Variants in COL8A2 observed in about 807,000 individuals in gnomAD.
COL8A2 encodes the protein collagen type VIII alpha 2 chain.
A neutral mutation model predicts 24.0 loss-of-function variants in COL8A2; 16 were observed. The observed-to-expected ratio is 0.67, with a 90% CI of 0.45 to 1.01. The LOEUF (loss-of-function observed/expected upper bound fraction) is 1.01, where lower values mean the gene tolerates loss of function less well. Among genes scored for constraint, COL8A2 ranks in the 50% least tolerant of loss-of-function variants. The probability of loss-of-function intolerance (pLI) is 0.00; values close to 1 mark genes in which losing one functional copy is unlikely to be tolerated. For missense variants in COL8A2, 818 were observed against 942.4 expected (o/e 0.87, Z 1.73); for synonymous variants, 466 against 424.5 (o/e 1.10, Z -1.20).
chr1:36,098,548 T>C lies in COL8A2; in HGVS notation c.1133A>G (p.Lys378Arg). Residue 378 changes from lysine (K) to arginine (R), a missense_variant, in exon 4 of 4, where the codon AAG becomes AGG. Physicochemically the swap from Lys to Arg is conservative, Grantham distance 26. Around this residue, in one of 3 missense-constraint regions of COL8A2, gnomAD observed 573 missense variants for 616.8 expected, o/e 0.93. Transcript: ENST00000397799. ...LPGRRGPPGP[K>R]GEAGPGGPPG... is the part of the protein sequence containing the mutation. Reference sequence around the variant, plus strand: ...GGGTCCTCCAGGCCCTGCCTCACCCTTAGGCCCAGGGGGCCCACGTCTGCC... The same window carrying C: ...GGGTCCTCCAGGCCCTGCCTCACCCCTAGGCCCAGGGGGCCCACGTCTGCC... 3.1e-6 allele frequency: 5 copies of C among 1,601,344 alleles called. No individual in the cohort carries two copies. The highest frequency in any genetic ancestry group is 4.3e-6 in the Non-Finnish European group (5 of 1,175,120).
chr1:36,107,910 T>C (rs1370586076), intron 2 of COL8A2, among the ~76,000 whole-genome samples: 1 of 152,176 alleles, frequency 6.6e-6, no homozygotes, highest in African/African-American at 2.4e-5. Flanking sequence ...GACGCCTCCC[T>C]TGAGGCCTGC....
intron 1 of COL8A2, among the ~76,000 whole-genome samples, chr1:36,118,801 A>G (rs1237842884): frequency 6.6e-6 from 1 of 152,020 alleles, no homozygotes; most frequent in Non-Finnish European, 1.5e-5. Context: ...GAGGTGAACA[A>G]TTGGCTCCTG....
Position 36,098,423 on chromosome 1 carries a change from G to A in COL8A2, c.1258C>T (p.Pro420Ser), listed in dbSNP as rs772297339. ...ERGLPGAHGPPGPTGPKGEPG... is the reference protein window; with the variant it reads ...ERGLPGAHGPSGPTGPKGEPG... Reference sequence around the variant, plus strand: ...TCACCCTTGGGCCCAGTTGGTCCAGGGGGTCCATGGGCCCCAGGAAGTCCC... The same window carrying A: ...TCACCCTTGGGCCCAGTTGGTCCAGAGGGTCCATGGGCCCCAGGAAGTCCC... Residue 420 changes from proline (P) to serine (S), a missense_variant, in exon 4 of 4, where the codon CCT (proline) becomes TCT (serine). Pro to Ser is a moderately conservative substitution (Grantham distance 74). This residue lies in a region of COL8A2 where 573 missense variants were observed against 616.8 expected (regional missense o/e 0.93). Transcript: ENST00000397799. 6.3e-7 allele frequency: 1 copy of A among 1,582,452 alleles called. No individual in the cohort carries two copies. The highest frequency in any genetic ancestry group is 8.6e-7 in the Non-Finnish European group (1 of 1,164,798).
intron 2 of COL8A2, among the ~76,000 whole-genome samples, chr1:36,102,097 T>G (rs909825531): frequency 2.0e-5 from 3 of 152,076 alleles, no homozygotes; most frequent in Non-Finnish European, 4.4e-5. Flanking sequence ...GAGGATCACT[T>G]GAGCTCAGGA....
chr1:36,115,581 C>T lies in COL8A2; in HGVS notation c.-17+127G>A, dbSNP rs905159401. ...CTGAGGTCACATACAAAAGGGGTGG[C>T]TCACAGGACTCTCTGGGCCTGGGAG... On this transcript the variant is annotated intron_variant, in intron 2 of 3. Transcript: ENST00000397799. This position sits in a 1 kb window ranked among gnomAD's most constrained non-coding sequence, Gnocchi z 5.7. 21 of 362,794 alleles carry T rather than the reference C, an allele frequency of 5.8e-5. No homozygotes were observed. Among genetic ancestry groups the T allele is most frequent in the South Asian group, 1.1e-4 (1 of 8,970 alleles). The allele number at this position is 362,794 out of a possible 1,614,324, so 22.5% of individuals were successfully genotyped here.
At chr1:36,114,883 C>T (rs1042516175) in intron 2 of COL8A2, among the ~76,000 whole-genome samples, 3 of 29,866 alleles carry the variant, frequency 1.0e-4, no homozygotes, top group South Asian at 2.3e-3. Flanking sequence ...GGGGCTTGGA[C>T]CGAACTCCCT....
intron 2 of COL8A2, among the ~76,000 whole-genome samples, chr1:36,102,329 T>A (rs1003862100): frequency 6.6e-6 from 1 of 152,158 alleles, no homozygotes; most frequent in African/African-American, 2.4e-5. Flanking sequence ...GGATCAGTGG[T>A]TGCCTAAGGC....
intron 2 of COL8A2, among the ~76,000 whole-genome samples, chr1:36,107,674 C>T (rs546897167): frequency 6.6e-5 from 10 of 152,112 alleles, no homozygotes; most frequent in Admixed American, 2.6e-4. Context: ...GAAATGATGC[C>T]CCCTGGAATG....
At position 36,097,521 on chromosome 1, in the gene COL8A2, C is replaced by T. The variant is rs1296100335; in HGVS notation, c.*48G>A. On this transcript the variant is annotated 3_prime_UTR_variant, in exon 4 of 4. Coordinates refer to ENST00000397799, the MANE Select transcript of COL8A2 (RefSeq NM_005202.4). ...GTTCTTTGTAATTGAAAAGGTCGCT[C>T]TACCACTAAAGGGGAGGAGGCCAGG... 13 of 1,425,066 alleles carry T rather than the reference C, an allele frequency of 9.1e-6. No individual in the cohort carries two copies. Among genetic ancestry groups the T allele is most frequent in the Non-Finnish European group, 1.3e-5 (13 of 1,035,688 alleles). The allele number at this position is 1,425,066 out of a possible 1,614,324, so 88.3% of individuals were successfully genotyped here. A position where few individuals can be genotyped will look rare whatever the true frequency, so the allele number is the denominator to read the frequency against.
chr1:36,110,207 C>A (rs891156281), intron 2 of COL8A2, among the ~76,000 whole-genome samples: 5 of 149,270 alleles, frequency 3.3e-5, no homozygotes, highest in Admixed American at 1.3e-4. Flanking sequence ...GCTGGGATTA[C>A]AGGCGTGAGC....
chr1:36,103,798 G>A (rs1423928131), intron 2 of COL8A2, among the ~76,000 whole-genome samples: 2 of 151,798 alleles, frequency 1.3e-5, no homozygotes, highest in African/African-American at 4.8e-5. Context: ...AGGCCAGGCT[G>A]GTCTCAAACT....
At chr1:36,102,246 A>G (rs190478599) in intron 2 of COL8A2, among the ~76,000 whole-genome samples, 1 of 152,378 alleles carries the variant, frequency 6.6e-6, no homozygotes, top group East Asian at 1.9e-4. Flanking sequence ...AAAGTGAGAT[A>G]TGGAATGTAC....
Position 36,098,651 on chromosome 1 carries a change from C to G in COL8A2, c.1030G>C (p.Glu344Gln), listed in dbSNP as rs930478926. ...CCCTGCTCCCCTGGCTCCCCATCCT[C>G]CCCTGGCTCACCCCTGTCCCCCAAG... ...GLLGDRGEPGEDGEPGEQGPQ... is the reference protein window; with the variant it reads ...GLLGDRGEPGQDGEPGEQGPQ... Residue 344 changes from glutamate (E) to glutamine (Q), a missense_variant, in exon 4 of 4, where the codon GAG becomes CAG. Around this residue, in one of 3 missense-constraint regions of COL8A2, gnomAD observed 573 missense variants for 616.8 expected, o/e 0.93. Transcript: ENST00000397799. 6.2e-7 allele frequency: 1 copy of G among 1,610,630 alleles called. No individual in the cohort carries two copies. The highest frequency in any genetic ancestry group is 1.3e-5 in the African/African-American group (1 of 74,846).
chr1:36,120,460 T>TA (rs1161359187), intron 1 of COL8A2, among the ~76,000 whole-genome samples: 1 of 144,670 alleles, frequency 6.9e-6, no homozygotes, highest in Non-Finnish European at 1.5e-5. Context: ...AAAAAATAAA[T>TA]AAAAAGAGGA....
At chr1:36,101,784 C>G (rs1373978364) in intron 2 of COL8A2, among the ~76,000 whole-genome samples, 1 of 152,210 alleles carries the variant, frequency 6.6e-6, no homozygotes, top group Admixed American at 6.5e-5. Context: ...TGGTGTATAC[C>G]TGTAGTCCCA....
At chr1:36,102,393 C>T (rs971290803) in intron 2 of COL8A2, among the ~76,000 whole-genome samples, 1 of 152,070 alleles carries the variant, frequency 6.6e-6, no homozygotes, top group African/African-American at 2.4e-5. Flanking sequence ...CTCGGCCTCC[C>T]GGGCTCAAGT....
chr1:36,125,131 G>A lies in COL8A2; in HGVS notation c.-136C>T. The A allele has an allele frequency of 1.2e-6, 1 of 860,588 alleles. No individual in the cohort carries two copies. Among genetic ancestry groups the A allele is most frequent in the Non-Finnish European group, 1.4e-6 (1 of 718,020 alleles). The allele number at this position is 860,588 out of a possible 1,614,324, so 53.3% of individuals were successfully genotyped here. ...GGCGGCGAGGGCTCCGGGCAGGGGC[G>A]TCCGCGGCTGGGCGGGCGGCGTTGG... On this transcript the variant is annotated 5_prime_UTR_variant, in exon 1 of 4. In the 5' UTR this introduces an upstream ATG that the reference lacks. Coordinates refer to ENST00000397799, the MANE Select transcript of COL8A2 (RefSeq NM_005202.4). The surrounding 1 kb of genome is among the most constrained non-coding windows in gnomAD (Gnocchi z 4.5).
intron 1 of COL8A2, among the ~76,000 whole-genome samples, chr1:36,117,568 C>A (rs1027013559): frequency 2.0e-5 from 3 of 152,154 alleles, no homozygotes; most frequent in African/African-American, 7.2e-5. Flanking sequence ...TCATTGTGTA[C>A]CCACTGTGTG....
Position 36,096,597 on chromosome 1 carries a change from G to C in COL8A2, c.*972C>G, listed in dbSNP as rs749021714. On this transcript the variant is annotated 3_prime_UTR_variant, in exon 4 of 4. Transcript: ENST00000397799. ...CAAACGAGAGGTGCTCTGCCTTGGG[G>C]ATACCTGGCTGGGGTGACAAGGATC... is the stretch of plus-strand genomic sequence containing the variant. The C allele has an allele frequency of 2.0e-5, 3 of 152,230 alleles. No individual in the cohort carries two copies. The highest frequency in any genetic ancestry group is 4.4e-5 in the Non-Finnish European group (3 of 68,052). 9.4% of individuals were successfully genotyped at this position (152,230 alleles called of 1,614,324 possible).
Sources: allele counts gnomAD v4.1 joint callset (sites outside exome capture counted in the v4.1 genomes callset), GRCh38; gene constraint gnomAD v4.1.1; regional missense constraint gnomAD v4.1.1; non-coding constraint Gnocchi (gnomAD v3.1); transcripts MANE v1.5; gene names NCBI Gene and HGNC (gene_info 2026-07-23, HGNC 2026-07-21).